The following ENOX1 variants were observed in gnomAD, a reference collection of about 807,000 sequenced individuals.
ENOX1 encodes candidate growth-related and time keeping constitutive hydroquinone (NADH) oxidase.
A neutral mutation model predicts 82.5 loss-of-function variants in ENOX1; 42 were observed. The ratio of observed to expected loss-of-function variants is 0.51; its 90% CI spans 0.40 to 0.66. The LOEUF (loss-of-function observed/expected upper bound fraction) is 0.66, where lower values mean the gene tolerates loss of function less well. Ranked by LOEUF, ENOX1 falls within the 30% of genes least tolerant of loss-of-function variation. ENOX1 has a pLI of 0.00. For missense variants in ENOX1, 608 were observed against 811.6 expected, an observed-to-expected ratio of 0.75 and a Z score of 3.05; for synonymous variants, 271 against 282.2, an observed-to-expected ratio of 0.96 and a Z score of 0.40.
intron 13 of ENOX1, among the ~76,000 whole-genome samples, chr13:43,267,765 C>G (rs1480044051): frequency 2.0e-5 from 3 of 152,168 alleles, no homozygotes; most frequent in Non-Finnish European, 2.9e-5. Context: ...GGCTCTTGGA[C>G]AAACAGCTTG....
chr13:43,698,041 G>A (rs537697625), intron 1 of ENOX1, among the ~76,000 whole-genome samples: 17 of 152,308 alleles, frequency 1.1e-4, no homozygotes, highest in African/African-American at 3.8e-4. Context: ...TACGGTGGTG[G>A]ATACATTCAA....
chr13:43,477,075 A>G (rs1442519432), intron 3 of ENOX1, among the ~76,000 whole-genome samples: 1 of 151,876 alleles, frequency 6.6e-6, no homozygotes, highest in African/African-American at 2.4e-5. Flanking sequence ...GAGAAAAAAC[A>G]AGTTCCAAAG....
chr13:43,653,238 A>G (rs1346426623), intron 2 of ENOX1, among the ~76,000 whole-genome samples: 1 of 152,248 alleles, frequency 6.6e-6, no homozygotes, highest in Non-Finnish European at 1.5e-5. Context: ...ATTTCTCAGC[A>G]TTGTTAATGG....
intron 3 of ENOX1, among the ~76,000 whole-genome samples, chr13:43,481,672 A>G (rs1441538230): frequency 6.6e-6 from 1 of 152,166 alleles, no homozygotes; most frequent in African/African-American, 2.4e-5. Flanking sequence ...AATTATATCA[A>G]ATTAAAAGGC....
chr13:43,730,337 C>T (rs1326183846), intron 1 of ENOX1, among the ~76,000 whole-genome samples: 1 of 152,130 alleles, frequency 6.6e-6, no homozygotes, highest in Non-Finnish European at 1.5e-5. Flanking sequence ...CCTTATTCTC[C>T]ACTTCTATTC....
intron 2 of ENOX1, among the ~76,000 whole-genome samples, chr13:43,620,841 G>A (rs762080230): frequency 2.9e-4 from 44 of 152,012 alleles, no homozygotes; most frequent in Admixed American, 1.3e-3. Context: ...GCTGTCAGTG[G>A]AGTATTGAAG....
At chr13:43,695,526 C>A (rs1342787409) in intron 1 of ENOX1, among the ~76,000 whole-genome samples, 1 of 149,168 alleles carries the variant, frequency 6.7e-6, no homozygotes, top group Non-Finnish European at 1.5e-5. Context: ...CAGCTTATTG[C>A]AACCTCCATC....
intron 1 of ENOX1, among the ~76,000 whole-genome samples, chr13:43,757,086 T>C (rs1950698178): frequency 6.6e-6 from 1 of 152,060 alleles, no homozygotes; most frequent in Admixed American, 6.6e-5. Context: ...TGAATATTTT[T>C]CCCCTAAAAC....
intron 1 of ENOX1, among the ~76,000 whole-genome samples, chr13:43,756,976 A>AC (rs769130265): frequency 7.4e-4 from 111 of 149,188 alleles, no homozygotes; most frequent in African/African-American, 2.3e-3. Context: ...CAACAACAAA[A>AC]AAAAAAAAAA....
At chr13:43,214,844 T>G (rs2041384949) in intron 16 of ENOX1, among the ~76,000 whole-genome samples, 2 of 152,198 alleles carry the variant, frequency 1.3e-5, no homozygotes, top group Non-Finnish European at 1.5e-5. Flanking sequence ...TCCATGTGTA[T>G]GCATGTGGAT....
chr13:43,246,555 G>A (rs527252128), intron 14 of ENOX1, among the ~76,000 whole-genome samples: 2 of 152,252 alleles, frequency 1.3e-5, no homozygotes, highest in Non-Finnish European at 2.9e-5. Context: ...TGCTGTTTGC[G>A]GGTGACGGAC....
intron 14 of ENOX1, among the ~76,000 whole-genome samples, chr13:43,255,860 T>G (rs948717868): frequency 5.3e-5 from 8 of 152,160 alleles, no homozygotes; most frequent in Non-Finnish European, 1.2e-4. Flanking sequence ...AATTTACAGA[T>G]TCAATGCAAT....
At chr13:43,442,131 T>C (rs1358795900) in intron 3 of ENOX1, among the ~76,000 whole-genome samples, 2 of 152,106 alleles carry the variant, frequency 1.3e-5, no homozygotes, top group Non-Finnish European at 2.9e-5. Flanking sequence ...GTCGGACTGA[T>C]TCCCCAGCTC....
At chr13:43,606,327 G>A (rs1199038593) in intron 2 of ENOX1, among the ~76,000 whole-genome samples, 1 of 152,128 alleles carries the variant, frequency 6.6e-6, no homozygotes, top group Non-Finnish European at 1.5e-5. Context: ...CAAAAGAAAG[G>A]AAATCAGTAT....
intron 14 of ENOX1, among the ~76,000 whole-genome samples, chr13:43,263,011 T>C (rs2044166448): frequency 6.6e-6 from 1 of 152,152 alleles, no homozygotes. Context: ...CAACTTCAGA[T>C]GAGACGTAGA....
At chr13:43,361,549 C>T in intron 5 of ENOX1, 97 bp from the exon 6 acceptor site, 2 of 1,156,052 alleles carry the variant, frequency 1.7e-6, no homozygotes, top group Non-Finnish European at 2.4e-6. Context: ...TTTATACTTT[C>T]TATTTTTCAG....
chr13:43,677,641 A>G (rs2085574217), intron 1 of ENOX1, among the ~76,000 whole-genome samples: 1 of 152,152 alleles, frequency 6.6e-6, no homozygotes, highest in South Asian at 2.1e-4. Flanking sequence ...TGATTCTATA[A>G]AGTACACAAT....
intron 2 of ENOX1, among the ~76,000 whole-genome samples, chr13:43,652,256 T>C (rs1488154740): frequency 6.6e-6 from 1 of 152,132 alleles, no homozygotes; most frequent in Admixed American, 6.5e-5. Context: ...AGGACATAAA[T>C]GAAGAGCAGA....
At chr13:43,274,039 C>T (rs2044854021) in intron 12 of ENOX1, among the ~76,000 whole-genome samples, 1 of 152,090 alleles carries the variant, frequency 6.6e-6, no homozygotes. Context: ...ACAACAAAAA[C>T]AAAAACAACC....
Sources: gnomAD v4.1 joint callset for allele counts (sites outside exome capture counted in the v4.1 genomes callset) on GRCh38, gnomAD v4.1.1 for gene constraint, MANE v1.5 for transcripts, NCBI Gene and HGNC (gene_info 2026-07-23, HGNC 2026-07-21) for gene names.